Variants in ENGASE observed in about 807,000 individuals in gnomAD.
ENGASE encodes endo-beta-N-acetylglucosaminidase.
A neutral mutation model predicts 78.5 loss-of-function variants in ENGASE; 69 were observed. The ratio of observed to expected loss-of-function variants is 0.88; its 90% CI spans 0.72 to 1.07. ENGASE has a LOEUF of 1.07. Ranked by LOEUF, ENGASE falls within the 50% of genes least tolerant of loss-of-function variation. The pLI is 0.00. For missense variants in ENGASE, 943 were observed against 988.4 expected, an observed-to-expected ratio of 0.95 and a Z score of 0.62; for synonymous variants, 408 against 408.9, an observed-to-expected ratio of 1.00 and a Z score of 0.03.
chr17:79,082,465 C>G, intron 7 of ENGASE: 1 of 1,207,558 alleles, frequency 8.3e-7, no homozygotes, highest in Non-Finnish European at 1.0e-6. Context: ...GGGGAGGTGC[C>G]CAGGGTTTGG....
At position 79,074,997 on chromosome 17, in the gene ENGASE, G is replaced by C. The variant is rs773994254; in HGVS notation, c.53G>C (p.Arg18Pro). ...VTRSATRRRR[R>P]QLQGLAAPEA... is the part of the protein sequence containing the mutation. ...CGGTCGGCTACACGGCGGCGGCGGC[G>C]GCAGCTGCAGGGGCTGGCGGCCCCG... is the stretch of plus-strand genomic sequence containing the variant. Residue 18 changes from arginine (R) to proline (P), a missense_variant, in exon 1 of 14, where the codon CGG (arginine) becomes CCG (proline). Physicochemically the swap from Arg to Pro is moderately radical, Grantham distance 103 (BLOSUM62 -2). Coordinates refer to ENST00000579016, the MANE Select transcript of ENGASE (RefSeq NM_001042573.3). 132 of 1,216,480 alleles carry C rather than the reference G, an allele frequency of 1.1e-4. No homozygotes were observed. The East Asian group carries it at 4.2e-3, about 39-fold the overall frequency. The allele number at this position is 1,216,480 out of a possible 1,614,324, so 75.4% of individuals were successfully genotyped here. A position where few individuals can be genotyped will look rare whatever the true frequency, so the allele number is the denominator to read the frequency against.
At chr17:79,076,023 C>T (rs1287787931) in intron 1 of ENGASE, 3 of 458,404 alleles carry the variant, frequency 6.5e-6, no homozygotes, top group African/African-American at 4.3e-5. Flanking sequence ...TGCTTGAATC[C>T]GTCCCCGACC....
At chr17:79,080,515 C>A in intron 5 of ENGASE, 151 bp downstream of exon 5, 1 of 888,202 alleles carries the variant, frequency 1.1e-6, no homozygotes, top group Non-Finnish European at 1.7e-6. Flanking sequence ...AGTGCCAACT[C>A]TGAAATCTTA....
intron 1 of ENGASE, 121 bp downstream of exon 1, chr17:79,075,211 C>T: frequency 1.8e-6 from 2 of 1,114,598 alleles, no homozygotes; most frequent in Non-Finnish European, 2.2e-6. Context: ...GTGTCCGCTC[C>T]GTGCACAGTA....
intron 6 of ENGASE, 112 bp from the exon 7 acceptor site, chr17:79,081,786 T>TGGGGTG: frequency 8.3e-7 from 1 of 1,202,606 alleles, no homozygotes; most frequent in Non-Finnish European, 1.1e-6. Flanking sequence ...TGGGGTGGGG[T>TGGGGTG]GGGCCCATCC....
rs531823220 is a variant in ENGASE, at chr17:79,084,191, T to C, written c.1442+240T>C. 1.4e-5 allele frequency: 8 copies of C among 556,836 alleles called. No individual in the cohort carries two copies. The East Asian group carries it at 2.2e-4, about 16-fold the overall frequency. The allele number at this position is 556,836 out of a possible 1,614,324, so 34.5% of individuals were successfully genotyped here. On this transcript the variant is annotated intron_variant, in intron 10 of 13. Coordinates refer to ENST00000579016, the MANE Select transcript of ENGASE (RefSeq NM_001042573.3). Reference sequence around the variant, plus strand: ...TTGCTACGTGACAGATCCCTAGAACTGTGTCATCTTGTAGGACTGGACTCT... The same window carrying C: ...TTGCTACGTGACAGATCCCTAGAACCGTGTCATCTTGTAGGACTGGACTCT...
Position 79,083,525 on chromosome 17 carries a change from TGCTCCTTGC to T in ENGASE, c.1187_1195del (p.Cys396_Pro399delinsSer). The T allele has an allele frequency of 6.2e-7, 1 of 1,614,222 alleles. No homozygotes were observed. The highest frequency in any genetic ancestry group is 2.2e-5 in the East Asian group (1 of 44,890). ...GCGTTATCTGCCCACACATAGCATC[TGCTCCTTGC>T]CTTTCGTCACGTCCTTCTGCCTGGG... On this transcript the variant is annotated inframe_deletion, in exon 9 of 14. Coordinates refer to ENST00000579016, the MANE Select transcript of ENGASE (RefSeq NM_001042573.3). The surrounding 1 kb of genome is among the most constrained non-coding windows in gnomAD (Gnocchi z 4.9).
At chr17:79,077,922 GGCTGGA>G in intron 3 of ENGASE, 58 bp downstream of exon 3, 2 of 1,405,050 alleles carry the variant, frequency 1.4e-6, no homozygotes, top group Non-Finnish European at 1.9e-6. Flanking sequence ...CTGGGGTGGG[GGCTGGA>G]GGGGCGGGAG....
At chr17:79,076,140 T>C (rs775008341) in intron 1 of ENGASE, among the ~76,000 whole-genome samples, 16 of 152,324 alleles carry the variant, frequency 1.1e-4, no homozygotes, top group Non-Finnish European at 2.4e-4. Flanking sequence ...TGAATGGCAG[T>C]GGAGTGATGG....
chr17:79,078,111 A>G (rs2073013650), intron 3 of ENGASE, among the ~76,000 whole-genome samples: 1 of 152,136 alleles, frequency 6.6e-6, no homozygotes, highest in Non-Finnish European at 1.5e-5. Context: ...AGGTCAAGGC[A>G]GGTGGGTCAC....
At position 79,083,169 on chromosome 17, in the gene ENGASE, A is replaced by G; in HGVS notation, c.1142+46A>G. ...TGCTTAGTGCAGGCTGATGGGAGGG[A>G]GGGGTTTCTGGTGTCTCTGATAGGA... On this transcript the variant is annotated intron_variant, in intron 8 of 13. Coordinates refer to ENST00000579016, the MANE Select transcript of ENGASE (RefSeq NM_001042573.3). The surrounding 1 kb of genome is among the most constrained non-coding windows in gnomAD (Gnocchi z 4.9). 1 of 1,413,998 alleles carries G rather than the reference A, an allele frequency of 7.1e-7. No individual in the cohort carries two copies. 87.6% of individuals were successfully genotyped at this position (1,413,998 alleles called of 1,614,324 possible).
chr17:79,083,528 T>TCCTTG lies in ENGASE; in HGVS notation c.1194_1198dup (p.Phe400CysfsTer24). On this transcript the variant is annotated frameshift_variant, in exon 9 of 14. Coordinates refer to ENST00000579016, the MANE Select transcript of ENGASE (RefSeq NM_001042573.3). LOFTEE classifies it high-confidence loss of function. The surrounding 1 kb of genome is among the most constrained non-coding windows in gnomAD (Gnocchi z 4.9). ...TTATCTGCCCACACATAGCATCTGCTCCTTGCCTTTCGTCACGTCCTTCTG... is the reference window on the plus strand; with the variant it reads ...TTATCTGCCCACACATAGCATCTGCTCCTTGCCTTGCCTTTCGTCACGTCCTTCTG... 6.2e-7 allele frequency: 1 copy of TCCTTG among 1,614,174 alleles called. No individual in the cohort carries two copies. The highest frequency in any genetic ancestry group is 8.5e-7 in the Non-Finnish European group (1 of 1,180,008).
Position 79,080,266 on chromosome 17 carries a change from G to A in ENGASE, c.625G>A (p.Asp209Asn), listed in dbSNP as rs1040111326. ...GRLCEAFLAGDERSYQAVADR... is the reference protein window; with the variant it reads ...GRLCEAFLAGNERSYQAVADR... ...GCTCTGTGAAGCCTTCCTGGCCGGG[G>A]ATGAGCGCTCGTACCAGGCAGTGGC... The change falls in exon 5 of 14, where the codon GAT becomes AAT. Residue 209 changes from aspartate (D) to asparagine (N), a missense_variant. By Grantham distance (23) the Asp-to-Asn change is conservative. Coordinates refer to ENST00000579016, the MANE Select transcript of ENGASE (RefSeq NM_001042573.3). The A allele has an allele frequency of 2.5e-6, 4 of 1,613,702 alleles. No individual in the cohort carries two copies. The highest frequency in any genetic ancestry group is 3.4e-6 in the Non-Finnish European group (4 of 1,179,862).
chr17:79,080,513 C>T (rs1891371643), intron 5 of ENGASE, 149 bp downstream of exon 5: 6 of 887,974 alleles, frequency 6.8e-6, no homozygotes, highest in Non-Finnish European at 6.8e-6. Flanking sequence ...GCAGTGCCAA[C>T]TCTGAAATCT....
chr17:79,085,868 G>A (rs2073284549), intron 13 of ENGASE, 65 bp from the exon 14 acceptor site: 2 of 1,577,352 alleles, frequency 1.3e-6, no homozygotes, highest in Non-Finnish European at 1.7e-6. Context: ...GGGGAAATGT[G>A]TGCGTGGGGG....
intron 1 of ENGASE, among the ~76,000 whole-genome samples, chr17:79,076,212 A>G (rs1016611774): frequency 2.6e-5 from 4 of 152,204 alleles, no homozygotes; most frequent in African/African-American, 4.8e-5. Context: ...GGGAATCTCA[A>G]CGTTGGTGCC....
intron 1 of ENGASE, among the ~76,000 whole-genome samples, chr17:79,076,941 C>G (rs115467255): frequency 0.027 from 4,085 of 152,236 alleles, 178 homozygotes; most frequent in African/African-American, 0.089. Context: ...GGCACAGTCC[C>G]GGCTCACTGC....
At chr17:79,084,342 A>C (rs1488606427) in intron 10 of ENGASE, 196 bp from the exon 11 acceptor site, 1 of 589,716 alleles carries the variant, frequency 1.7e-6, no homozygotes, top group South Asian at 2.3e-5. Context: ...TTCAGAACTG[A>C]GATGTTTCAG....
chr17:79,081,265 C>G (rs957602828), intron 6 of ENGASE, among the ~76,000 whole-genome samples, 192 bp downstream of exon 6: 1 of 152,118 alleles, frequency 6.6e-6, no homozygotes, highest in African/African-American at 2.4e-5. Context: ...CACTTTGGGA[C>G]GCCGAGGTGG....
Sources: allele counts gnomAD v4.1 joint callset (sites outside exome capture counted in the v4.1 genomes callset), GRCh38; gene constraint gnomAD v4.1.1; non-coding constraint Gnocchi (gnomAD v3.1); transcripts MANE v1.5; gene names NCBI Gene and HGNC (gene_info 2026-07-23, HGNC 2026-07-21).